ADCY3: variants seen among roughly 807,000 people sequenced by gnomAD.
The protein encoded by ADCY3 is adenylate cyclase type 3.
Under a neutral mutation model 119.4 loss-of-function variants are expected in ADCY3, and 70 were observed. The observed-to-expected ratio is 0.59, with a 90% CI of 0.48 to 0.72. The LOEUF (loss-of-function observed/expected upper bound fraction) is 0.72. ADCY3 is among the 30% of genes least tolerant of loss of function. The pLI is 0.00. For missense variants in ADCY3, 1,238 were observed against 1,541.6 expected (o/e 0.80, Z 3.30); for synonymous variants, 672 against 621.4 (o/e 1.08, Z -1.21).
chr2:24,873,603 C>T (rs919308332), intron 2 of ADCY3, among the ~76,000 whole-genome samples: 5 of 152,242 alleles, frequency 3.3e-5, no homozygotes, highest in African/African-American at 1.2e-4. Context: ...ACATCCCAAC[C>T]CTGCCTGGCG....
intron 3 of ADCY3, among the ~76,000 whole-genome samples, chr2:24,853,793 C>T (rs1672685611): frequency 6.6e-6 from 1 of 152,140 alleles, no homozygotes; most frequent in South Asian, 2.1e-4. Flanking sequence ...GCCAGTGAGC[C>T]TTATCTCTTG....
At chr2:24,859,181 GA>G (rs1361209439) in intron 3 of ADCY3, among the ~76,000 whole-genome samples, 2 of 152,232 alleles carry the variant, frequency 1.3e-5, no homozygotes, top group Non-Finnish European at 2.9e-5. Flanking sequence ...TGGGGGTGGG[GA>G]CGTGTCTGTG....
chr2:24,877,659 G>C (rs867985236), intron 2 of ADCY3, among the ~76,000 whole-genome samples: 11 of 152,196 alleles, frequency 7.2e-5, no homozygotes, highest in African/African-American at 9.7e-5. Flanking sequence ...ACACGAAGAC[G>C]AGCTCAGACA....
At chr2:24,904,412 C>T (rs1679243781) in intron 2 of ADCY3, among the ~76,000 whole-genome samples, 1 of 151,990 alleles carries the variant, frequency 6.6e-6, no homozygotes, top group Non-Finnish European at 1.5e-5. Flanking sequence ...TGCCTGTAGT[C>T]CATACTACTG....
rs148014908 is a variant in ADCY3, at chr2:24,836,947, C to T, written c.1632G>A (p.Thr544=). Reference sequence around the variant, plus strand: ...CATCCTGCTCCTCGGGCTTCTCCGACGTGGACCCACTGCTGTGGGCACTCC... The same window carrying T: ...CATCCTGCTCCTCGGGCTTCTCCGATGTGGACCCACTGCTGTGGGCACTCC... ...PNGSAHSSGS[T]SEKPEEQDAQ... Residue 544 remains threonine (T), a synonymous_variant, in exon 9 of 22, where the codon ACG becomes ACA. Transcript: ENST00000679454. The T allele has an allele frequency of 3.0e-5, 48 of 1,613,588 alleles. No homozygotes were observed. Among genetic ancestry groups the T allele is most frequent in the Admixed American group, 1.2e-4 (7 of 60,000 alleles).
At chr2:24,900,122 T>C (rs1678733657) in intron 2 of ADCY3, among the ~76,000 whole-genome samples, 1 of 151,106 alleles carries the variant, frequency 6.6e-6, no homozygotes, top group Admixed American at 6.6e-5. Flanking sequence ...TTTTTTTTTT[T>C]CTTTTTGAGA....
At chr2:24,882,449 G>A (rs1676512300) in intron 2 of ADCY3, among the ~76,000 whole-genome samples, 1 of 152,156 alleles carries the variant, frequency 6.6e-6, no homozygotes, top group South Asian at 2.1e-4. Context: ...AGATGACTGA[G>A]AACCACAAAA....
intron 8 of ADCY3, among the ~76,000 whole-genome samples, chr2:24,838,060 A>ACCC (rs1670519339): frequency 2.5e-5 from 1 of 40,034 alleles, no homozygotes; most frequent in African/African-American, 1.0e-4. Context: ...CAGTCACCCC[A>ACCC]CCCCCACCCT....
At chr2:24,883,718 G>A (rs1236820532) in intron 2 of ADCY3, among the ~76,000 whole-genome samples, 3 of 152,154 alleles carry the variant, frequency 2.0e-5, no homozygotes, top group Non-Finnish European at 4.4e-5. Flanking sequence ...GTACCAGCTC[G>A]GAGGAAGACA....
chr2:24,850,588 G>A (rs940783411), intron 3 of ADCY3, among the ~76,000 whole-genome samples: 1 of 152,320 alleles, frequency 6.6e-6, no homozygotes, highest in South Asian at 2.1e-4. Context: ...GTTGCTATAC[G>A]TTTCAAGAGT....
At chr2:24,829,364 T>C (rs1381656064) in intron 13 of ADCY3, among the ~76,000 whole-genome samples, 1 of 150,492 alleles carries the variant, frequency 6.6e-6, no homozygotes, top group Non-Finnish European at 1.5e-5. Flanking sequence ...TTTTCACTTA[T>C]ACCACTGGCA....
intron 2 of ADCY3, among the ~76,000 whole-genome samples, chr2:24,886,200 T>A (rs2148904260): frequency 6.6e-6 from 1 of 152,300 alleles, no homozygotes; most frequent in East Asian, 1.9e-4. Flanking sequence ...CAGCACGCTG[T>A]CTGCTGGGTG....
In ADCY3 at chr2:24,872,447, G is replaced by C; in HGVS notation, c.825+123C>G. On this transcript the variant is annotated intron_variant, in intron 3 of 21. Transcript: ENST00000679454. The surrounding 1 kb of genome is among the most constrained non-coding windows in gnomAD (Gnocchi z 4.4). ...AGACAAAGTTCAGAAGCAAACACCT[G>C]AACAGGGTGGATGAACGCCAAGCCC... 4 of 1,233,654 alleles carry C rather than the reference G, an allele frequency of 3.2e-6. No individual in the cohort carries two copies. The highest frequency in any genetic ancestry group is 2.9e-5 in the South Asian group (2 of 69,184). 76.4% of individuals were successfully genotyped at this position (1,233,654 alleles called of 1,614,324 possible).
chr2:24,822,181 AG>A (rs1247268615), intron 19 of ADCY3: 2 of 224,646 alleles, frequency 8.9e-6, no homozygotes, highest in East Asian at 2.0e-4. Flanking sequence ...GCCGTCAGCC[AG>A]AGTTCTGAAG....
At chr2:24,845,813 A>C (rs749856932) in intron 3 of ADCY3, among the ~76,000 whole-genome samples, 9 of 152,268 alleles carry the variant, frequency 5.9e-5, no homozygotes, top group Non-Finnish European at 8.8e-5. Flanking sequence ...TAAGAGGAAA[A>C]AGTAGTTTCG....
intron 3 of ADCY3, among the ~76,000 whole-genome samples, chr2:24,856,854 T>TC (rs1233573091): frequency 6.6e-6 from 1 of 152,152 alleles, no homozygotes; most frequent in African/African-American, 2.4e-5. Context: ...GAGACTGGTC[T>TC]CCCAGGGCAG....
chr2:24,838,528 C>T lies in ADCY3; in HGVS notation c.1450G>A (p.Glu484Lys), dbSNP rs1300820581. Residue 484 changes from glutamate (E) to lysine (K), a missense_variant, in exon 8 of 22, where the codon GAG becomes AAG. Physicochemically the swap from Glu to Lys is moderately conservative, Grantham distance 56 (BLOSUM62 1). Coordinates refer to ENST00000679454, the MANE Select transcript of ADCY3 (RefSeq NM_004036.5). ...DGGSRCDYLE[E>K]KGIETYLIIA... ...ATGAGGTAGGTTTCAATACCCTTCT[C>T]TTCTAGGTAATCACAGCGGCTGCCC... 1 of 1,614,148 alleles carries T rather than the reference C, an allele frequency of 6.2e-7. No homozygotes were observed. The highest frequency in any genetic ancestry group is 8.5e-7 in the Non-Finnish European group (1 of 1,180,036).
chr2:24,907,840 A>G (rs1452577178), intron 2 of ADCY3, among the ~76,000 whole-genome samples: 1 of 150,916 alleles, frequency 6.6e-6, no homozygotes, highest in Non-Finnish European at 1.5e-5. Context: ...ACAAAAATAC[A>G]AAAATTAGCC....
At chr2:24,831,869 G>C (rs1451456067) in intron 11 of ADCY3, 120 bp from the exon 12 acceptor site, 5 of 646,980 alleles carry the variant, frequency 7.7e-6, no homozygotes, top group Admixed American at 2.4e-5. Context: ...CAGGGGGCAG[G>C]GGACAGTGGA....
Sources: gnomAD v4.1 joint callset for allele counts (sites outside exome capture counted in the v4.1 genomes callset) on GRCh38, gnomAD v4.1.1 for gene constraint, Gnocchi (gnomAD v3.1) non-coding constraint, MANE v1.5 for transcripts, NCBI Gene and HGNC (gene_info 2026-07-23, HGNC 2026-07-21) for gene names.